Variants in MIS18BP1 observed in about 807,000 individuals in gnomAD.
The protein encoded by MIS18BP1 is mis18-binding protein 1.
MIS18BP1 carries 72 observed loss-of-function variants against 116.1 expected under a neutral mutation model. The ratio of observed to expected loss-of-function variants is 0.62; its 90% CI spans 0.51 to 0.75. The LOEUF (loss-of-function observed/expected upper bound fraction) is 0.75, where lower values mean the gene tolerates loss of function less well. MIS18BP1 is among the 30% of genes least tolerant of loss of function. MIS18BP1 has a pLI of 0.00. For synonymous variants in MIS18BP1, 386 were observed against 427.0 expected (o/e 0.90, Z 1.18); for missense variants, 1,363 against 1,303.2 (o/e 1.05, Z -0.71).
At position 45,223,920 on chromosome 14, in the gene MIS18BP1, A is replaced by G. The variant is rs770763324; in HGVS notation, c.2667T>C (p.His889=). The change falls in exon 11 of 17, where the codon CAT becomes CAC. Residue 889 remains histidine, a splice_region_variant and synonymous_variant. Transcript: ENST00000310806. ...EWNEKELQKL[H]CAFASLPKHK... is the part of the protein sequence containing the mutation. ...CGGAATGAAATCTAACTACTTACCA[A>G]TGAAGTTTCTGTAACTCCTTCTCAT... 1 of 1,565,706 alleles carries G rather than the reference A, an allele frequency of 6.4e-7. No individual in the cohort carries two copies.
Position 45,246,835 on chromosome 14 carries a change from T to C in MIS18BP1, c.452A>G (p.Asn151Ser). 6.2e-7 allele frequency: 1 copy of C among 1,609,386 alleles called. No homozygotes were observed. Among genetic ancestry groups the C allele is most frequent in the Non-Finnish European group, 8.5e-7 (1 of 1,178,958 alleles). ...KSGNNETFTP[N>S]RVEKKKLQHT... ...CTGCAATTTTTTTTTTTCAACTCTG[T>C]TAGGAGTGAAGGTTTCATTATTTCC... Residue 151 changes from asparagine to serine, a missense_variant, in exon 2 of 17, where the codon AAC becomes AGC. Transcript: ENST00000310806.
At chr14:45,244,695 A>G (rs1034323731) in intron 2 of MIS18BP1, among the ~76,000 whole-genome samples, 8 of 152,190 alleles carry the variant, frequency 5.3e-5, no homozygotes, top group Non-Finnish European at 1.0e-4. Flanking sequence ...CAGGAAATCA[A>G]ATTTAGGCCT....
chr14:45,229,202 G>C (rs372401132), intron 8 of MIS18BP1, among the ~76,000 whole-genome samples: 1 of 151,980 alleles, frequency 6.6e-6, no homozygotes, highest in South Asian at 2.1e-4. Context: ...AGGGTTCATG[G>C]AAAGCACTTT....
At chr14:45,246,318 A>C (rs764380574) in intron 2 of MIS18BP1, among the ~76,000 whole-genome samples, 1 of 152,180 alleles carries the variant, frequency 6.6e-6, no homozygotes, top group Non-Finnish European at 1.5e-5. Flanking sequence ...CACTAACTTC[A>C]TAGCTAGTCC....
intron 14 of MIS18BP1, among the ~76,000 whole-genome samples, chr14:45,208,967 T>C (rs1444149410): frequency 1.3e-5 from 2 of 152,300 alleles, no homozygotes; most frequent in Non-Finnish European, 2.9e-5. Flanking sequence ...TCCATCTTTT[T>C]TTGGTGACAT....
At position 45,242,033 on chromosome 14, in the gene MIS18BP1, C is replaced by G; in HGVS notation, c.1143+1G>C. ...AATATCTGTCTTAAAAGTTTTCCCA[C>G]CTGATTTTTTTTAAGTCCATTTGTA... is the stretch of plus-strand genomic sequence containing the variant. On this transcript the variant is annotated splice_donor_variant, in intron 4 of 16. Transcript: ENST00000310806. LOFTEE classifies it high-confidence loss of function. The G allele has an allele frequency of 6.3e-7, 1 of 1,593,096 alleles. No homozygotes were observed. The highest frequency in any genetic ancestry group is 8.5e-7 in the Non-Finnish European group (1 of 1,170,928).
chr14:45,243,224 T>C (rs1295287634), intron 2 of MIS18BP1, among the ~76,000 whole-genome samples: 2 of 152,202 alleles, frequency 1.3e-5, no homozygotes, highest in East Asian at 1.9e-4. Flanking sequence ...GATTACAATA[T>C]AAAGTTTCAC....
At chr14:45,216,973 C>A (rs772143168) in intron 13 of MIS18BP1, 46 bp downstream of exon 13, 5 of 1,581,730 alleles carry the variant, frequency 3.2e-6, no homozygotes, top group Middle Eastern at 1.7e-4. Context: ...ATGAAAGATA[C>A]AAAAGTCAAT....
intron 4 of MIS18BP1, 121 bp from the exon 5 acceptor site, chr14:45,237,842 C>T (rs1184943700): frequency 6.1e-6 from 8 of 1,308,624 alleles, no homozygotes; most frequent in East Asian, 2.9e-5. Flanking sequence ...TTAGTGTCAT[C>T]GATGTAAGAT....
At position 45,223,912 on chromosome 14, in the gene MIS18BP1, A is replaced by G; in HGVS notation, c.2669+6T>C. The G allele has an allele frequency of 6.4e-7, 1 of 1,552,238 alleles. No homozygotes were observed. The highest frequency in any genetic ancestry group is 8.7e-7 in the Non-Finnish European group (1 of 1,153,882). On this transcript the variant is annotated splice_donor_region_variant and intron_variant, in intron 11 of 16. Transcript: ENST00000310806. ...AGATATTTCGGAATGAAATCTAACTACTTACCAATGAAGTTTCTGTAACTC... is the reference window on the plus strand; with the variant it reads ...AGATATTTCGGAATGAAATCTAACTGCTTACCAATGAAGTTTCTGTAACTC...
rs755870625 is a variant in MIS18BP1, at chr14:45,217,050, C to A, written c.2972G>T (p.Ser991Ile). ...TCTTTGATGCTGTAAAGGTGTTGTA[C>A]TGAAAAAATCATCATGGTCATCTTT... ...LPKDDHDDFF[S>I]TTPLQHQRIL... is the part of the protein sequence containing the mutation. Residue 991 changes from serine to isoleucine, a missense_variant, in exon 13 of 17, where the codon AGT becomes ATT. By Grantham distance (142) the Ser-to-Ile change is moderately radical (BLOSUM62 -2). Coordinates refer to ENST00000310806, the MANE Select transcript of MIS18BP1 (RefSeq NM_018353.5). The A allele has an allele frequency of 1.9e-6, 3 of 1,613,946 alleles. No individual in the cohort carries two copies. The African/African-American group carries it at 4.0e-5, about 22-fold the overall frequency.
intron 13 of MIS18BP1, among the ~76,000 whole-genome samples, chr14:45,215,951 GC>G (rs1566805016): frequency 6.7e-6 from 1 of 148,152 alleles, no homozygotes; most frequent in African/African-American, 2.5e-5. Context: ...TGATCTGCCC[GC>G]CTCGGCCTCC....
At chr14:45,241,951 A>T in intron 4 of MIS18BP1, 83 bp downstream of exon 4, 2 of 1,424,764 alleles carry the variant, frequency 1.4e-6, no homozygotes, top group East Asian at 2.3e-5. Flanking sequence ...TAGAAAAAAA[A>T]TAATGAGAGA....
rs149939495 is a variant in MIS18BP1, at chr14:45,224,031, A to G, written c.2556T>C (p.Phe852=). The G allele has an allele frequency of 3.1e-6, 5 of 1,613,790 alleles. No individual in the cohort carries two copies. The African/African-American group carries it at 5.3e-5, about 17-fold the overall frequency. The change falls in exon 11 of 17, where the codon TTT becomes TTC. Residue 852 remains phenylalanine (F), a synonymous_variant. Coordinates refer to ENST00000310806, the MANE Select transcript of MIS18BP1 (RefSeq NM_018353.5). ...CAGATCCTACTGCCTCAGTAATTGG[A>G]AACTCTTTCCTAACACCAGACTTCT... ...TLQKSGVRKE[F]PITEAVGSDK...
chr14:45,213,382 T>C (rs1488918744), intron 13 of MIS18BP1, among the ~76,000 whole-genome samples: 1 of 152,212 alleles, frequency 6.6e-6, no homozygotes, highest in Non-Finnish European at 1.5e-5. Context: ...AGGCTATGTC[T>C]GTTAGAAATT....
At chr14:45,244,382 A>G (rs1021240230) in intron 2 of MIS18BP1, among the ~76,000 whole-genome samples, 1 of 152,192 alleles carries the variant, frequency 6.6e-6, no homozygotes. Context: ...TTTCCAGATC[A>G]TTCTCTCAAA....
chr14:45,204,372 C>T (rs777286813), intron 16 of MIS18BP1, 27 bp downstream of exon 16: 1 of 1,590,886 alleles, frequency 6.3e-7, no homozygotes, highest in Non-Finnish European at 8.5e-7. Context: ...AGAACTGAGC[C>T]ACAAAAGAAA....
chr14:45,243,670 T>C (rs1035417423), intron 2 of MIS18BP1, among the ~76,000 whole-genome samples: 1 of 152,108 alleles, frequency 6.6e-6, no homozygotes, highest in Non-Finnish European at 1.5e-5. Flanking sequence ...AAGATAAAGA[T>C]TTCATTATAA....
chr14:45,208,633 C>T (rs138370068), intron 14 of MIS18BP1, among the ~76,000 whole-genome samples: 112 of 152,128 alleles, frequency 7.4e-4, no homozygotes, highest in Non-Finnish European at 1.3e-3. Context: ...CGCCCGGCCA[C>T]GGATGAATAT....
Sources: gnomAD v4.1 joint callset for allele counts (sites outside exome capture counted in the v4.1 genomes callset) on GRCh38, gnomAD v4.1.1 for gene constraint, MANE v1.5 for transcripts, NCBI Gene and HGNC (gene_info 2026-07-23, HGNC 2026-07-21) for gene names.